MARCHF1: variants seen among roughly 807,000 people sequenced by gnomAD.
MARCHF1 encodes E3 ubiquitin-protein ligase MARCHF1.
Under a neutral mutation model 54.2 loss-of-function variants are expected in MARCHF1, and 40 were observed. The ratio of observed to expected loss-of-function variants is 0.74; its 90% CI spans 0.57 to 0.96. MARCHF1 has a LOEUF of 0.96. Ranked by LOEUF, MARCHF1 falls within the 40% of genes least tolerant of loss-of-function variation. The pLI is 0.00. For missense variants in MARCHF1, 586 were observed against 656.5 expected (o/e 0.89, Z 1.17); for synonymous variants, 236 against 236.3 (o/e 1.00, Z 0.01).
rs78430679 is a variant in MARCHF1 at position 164,023,644 on chromosome 4, A to C, written c.-247-34935T>G. Among the ~76,000 whole-genome samples, 1,492 of 152,318 alleles carry C rather than the reference A, an allele frequency of 9.8e-3. 18 individuals are homozygous for C. The highest frequency in any genetic ancestry group is 0.033 in the African/African-American group (1,369 of 41,578). ...ACACCAGCCCTCTCAAATGAGAAAGAATCAGCTTAGGATGTCTGGCAATTC... is the reference window on the plus strand; with the variant it reads ...ACACCAGCCCTCTCAAATGAGAAAGCATCAGCTTAGGATGTCTGGCAATTC... On this transcript the variant is annotated intron_variant, in intron 2 of 9. Transcript: ENST00000514618.
chr4:164,347,454 G>A (rs892278189), intron 1 of MARCHF1, among the ~76,000 whole-genome samples: 1 of 152,146 alleles, frequency 6.6e-6, no homozygotes, highest in Admixed American at 6.5e-5. Context: ...CAAGGGGCTT[G>A]ACATACCCTC....
At chr4:163,935,197 AAAT>A (rs1467072212) in intron 3 of MARCHF1, among the ~76,000 whole-genome samples, 1 of 152,120 alleles carries the variant, frequency 6.6e-6, no homozygotes, top group East Asian at 1.9e-4. Flanking sequence ...ACAATTTTCT[AAAT>A]GGTAAATGAG....
intron 2 of MARCHF1, among the ~76,000 whole-genome samples, chr4:164,028,328 T>C (rs1293513015): frequency 2.0e-5 from 3 of 152,172 alleles, no homozygotes; most frequent in Non-Finnish European, 4.4e-5. Context: ...ACCTATGTGC[T>C]CATCAGTGGT....
intron 5 of MARCHF1, among the ~76,000 whole-genome samples, chr4:163,616,311 G>A (rs1405594863): frequency 6.6e-6 from 1 of 152,078 alleles, no homozygotes; most frequent in Non-Finnish European, 1.5e-5. Context: ...ACGTAGTGAA[G>A]AGACAGTCTG....
At chr4:164,054,931 T>G (rs985296048) in intron 2 of MARCHF1, among the ~76,000 whole-genome samples, 12 of 152,014 alleles carry the variant, frequency 7.9e-5, no homozygotes, top group African/African-American at 2.9e-4. Flanking sequence ...AGTATAATAA[T>G]AATTTTAAAA....
chr4:164,126,271 C>A (rs1241725302), intron 1 of MARCHF1, among the ~76,000 whole-genome samples: 1 of 152,072 alleles, frequency 6.6e-6, no homozygotes, highest in African/African-American at 2.4e-5. Flanking sequence ...AAAATAGACC[C>A]AAGGGAGTTA....
intron 4 of MARCHF1, among the ~76,000 whole-genome samples, chr4:163,802,731 G>A (rs2110978519): frequency 6.6e-6 from 1 of 152,260 alleles, no homozygotes; most frequent in South Asian, 2.1e-4. Context: ...TGCACATATT[G>A]CTACCAGGGA....
intron 2 of MARCHF1, among the ~76,000 whole-genome samples, chr4:164,043,278 G>T (rs1036675984): frequency 6.6e-6 from 1 of 152,156 alleles, no homozygotes; most frequent in African/African-American, 2.4e-5. Context: ...TGGACATCCA[G>T]GCATTTCCAT....
At chr4:163,541,785 A>AT (rs1458653522) in intron 9 of MARCHF1, among the ~76,000 whole-genome samples, 2 of 152,252 alleles carry the variant, frequency 1.3e-5, no homozygotes, top group Admixed American at 6.5e-5. Flanking sequence ...AAGTTAGGCA[A>AT]TTTTTTCCCA....
At chr4:163,643,895 T>C (rs1742655021) in intron 5 of MARCHF1, among the ~76,000 whole-genome samples, 2 of 152,064 alleles carry the variant, frequency 1.3e-5, no homozygotes, top group African/African-American at 4.8e-5. Flanking sequence ...TCTTAATAGA[T>C]AGAATGGAAT....
intron 4 of MARCHF1, among the ~76,000 whole-genome samples, chr4:163,721,178 C>A (rs1383964820): frequency 1.3e-5 from 2 of 152,090 alleles, no homozygotes; most frequent in African/African-American, 4.8e-5. Flanking sequence ...TCATAAATAT[C>A]TCTTATTATT....
chr4:163,599,115 C>G (rs1740864489), intron 7 of MARCHF1, among the ~76,000 whole-genome samples: 1 of 151,818 alleles, frequency 6.6e-6, no homozygotes, highest in South Asian at 2.1e-4. Context: ...TGACGAAACC[C>G]CGTCTCTACT....
intron 2 of MARCHF1, among the ~76,000 whole-genome samples, chr4:164,106,127 A>AT (rs1481063212): frequency 1.3e-5 from 2 of 150,468 alleles, no homozygotes; most frequent in Non-Finnish European, 3.0e-5. Context: ...CAGGTGCTGG[A>AT]GAGGATGTGG....
chr4:163,603,985 C>T (rs999210541), intron 7 of MARCHF1, among the ~76,000 whole-genome samples: 1 of 152,126 alleles, frequency 6.6e-6, no homozygotes, highest in South Asian at 2.1e-4. Flanking sequence ...TCTCCCTTTT[C>T]TTTACAGACT....
At chr4:163,703,494 A>G (rs1744865828) in intron 4 of MARCHF1, among the ~76,000 whole-genome samples, 1 of 152,076 alleles carries the variant, frequency 6.6e-6, no homozygotes, top group Admixed American at 6.6e-5. Flanking sequence ...AAGATTAGTC[A>G]ATATGGTTGT....
At chr4:164,233,976 A>G (rs1488865411) in intron 1 of MARCHF1, among the ~76,000 whole-genome samples, 1 of 152,232 alleles carries the variant, frequency 6.6e-6, no homozygotes, top group Non-Finnish European at 1.5e-5. Context: ...ATTATCAATT[A>G]AAGTTCAAAT....
intron 4 of MARCHF1, among the ~76,000 whole-genome samples, chr4:163,757,387 C>T (rs528798912): frequency 6.6e-6 from 1 of 152,256 alleles, no homozygotes; most frequent in East Asian, 1.9e-4. Context: ...TCTGAATAAA[C>T]CTCAGGGAAA....
intron 4 of MARCHF1, among the ~76,000 whole-genome samples, chr4:163,786,905 C>T (rs948703955): frequency 6.6e-6 from 1 of 151,892 alleles, no homozygotes; most frequent in Non-Finnish European, 1.5e-5. Context: ...ACCACTGGAA[C>T]AGAATAGAAA....
chr4:163,993,480 A>G (rs889651820), intron 2 of MARCHF1, among the ~76,000 whole-genome samples: 2 of 152,100 alleles, frequency 1.3e-5, no homozygotes, highest in Non-Finnish European at 2.9e-5. Flanking sequence ...CTTTGATTCT[A>G]TTGTCTTGAA....
Sources: allele counts gnomAD v4.1 joint callset (sites outside exome capture counted in the v4.1 genomes callset), GRCh38; gene constraint gnomAD v4.1.1; transcripts MANE v1.5; gene names NCBI Gene and HGNC (gene_info 2026-07-23, HGNC 2026-07-21).